Variants in STPG2 observed in about 807,000 individuals in gnomAD.
The protein encoded by STPG2 is sperm tail PG-rich repeat containing 2, also known as sperm-tail PG-rich repeat-containing protein 2.
STPG2 carries 56 observed loss-of-function variants against 54.2 expected under a neutral mutation model. The observed-to-expected ratio is 1.03, with a 90% CI of 0.83 to 1.29. The LOEUF (loss-of-function observed/expected upper bound fraction) is 1.29, where lower values mean the gene tolerates loss of function less well. STPG2 is among the 50% of genes most tolerant of loss of function. STPG2 has a pLI of 0.00. For synonymous variants in STPG2, 200 were observed against 181.8 expected (o/e 1.10, Z -0.81); for missense variants, 596 against 544.9 (o/e 1.09, Z -0.93).
chr4:97,598,555 TAA>T (rs35374576), intron 10 of STPG2, among the ~76,000 whole-genome samples: 3 of 137,814 alleles, frequency 2.2e-5, no homozygotes, highest in Non-Finnish European at 1.6e-5. Flanking sequence ...ATGGTACTGG[TAA>T]AAAAAAAAAA....
At chr4:97,850,790 C>CA (rs945462430) in intron 8 of STPG2, among the ~76,000 whole-genome samples, 5 of 151,908 alleles carry the variant, frequency 3.3e-5, no homozygotes, top group Non-Finnish European at 7.4e-5. Flanking sequence ...AAGGGAACCC[C>CA]AAAAAAGTAG....
At chr4:97,912,969 G>A (rs184096996) in intron 8 of STPG2, among the ~76,000 whole-genome samples, 1 of 152,178 alleles carries the variant, frequency 6.6e-6, no homozygotes, top group African/African-American at 2.4e-5. Flanking sequence ...TTATGATAAA[G>A]CTTAGAAGGA....
intron 8 of STPG2, among the ~76,000 whole-genome samples, chr4:97,860,708 CCGTAT>C (rs1729500294): frequency 6.6e-6 from 1 of 151,966 alleles, no homozygotes; most frequent in Non-Finnish European, 1.5e-5. Context: ...AGATACATGA[CCGTAT>C]CATCAGCAAA....
intron 8 of STPG2, among the ~76,000 whole-genome samples, chr4:97,874,497 T>A (rs1730105212): frequency 6.6e-6 from 1 of 151,848 alleles, no homozygotes; most frequent in Non-Finnish European, 1.5e-5. Flanking sequence ...AGTTTCCTTA[T>A]GTTCCTTTGT....
Position 97,915,782 on chromosome 4 carries a change from G to A in STPG2, c.1044+28115C>T, listed in dbSNP as rs186964991. Among the ~76,000 whole-genome samples the A allele has an allele frequency of 4.2e-3, 643 of 152,288 alleles. 3 individuals carry two copies. Among genetic ancestry groups the A allele is most frequent in the South Asian group, 0.024 (117 of 4,818 alleles). ...AAATCATGGTCATAATGAAATGCTA[G>A]CTCAAGGAGTCTGAACTCCACCATC... On this transcript the variant is annotated intron_variant, in intron 8 of 10. Transcript: ENST00000295268.
At chr4:97,536,121 G>T (rs1356019822) in intron 4 of STPG2, among the ~76,000 whole-genome samples, 1 of 152,160 alleles carries the variant, frequency 6.6e-6, no homozygotes, top group Non-Finnish European at 1.5e-5. Context: ...GATTATAGGT[G>T]CATGCCACCA....
At position 97,888,857 on chromosome 4, in the gene STPG2, G is replaced by T. The variant is rs188533817; in HGVS notation, c.1045-47925C>A. Among the ~76,000 whole-genome samples, 4 of 152,234 alleles carry T rather than the reference G, an allele frequency of 2.6e-5. No individual in the cohort carries two copies. In the East Asian group the frequency reaches 7.7e-4, roughly 29 times the overall value. On this transcript the variant is annotated intron_variant, in intron 8 of 10. Coordinates refer to ENST00000295268, the MANE Select transcript of STPG2 (RefSeq NM_174952.3). ...CCTGGTAGGAGGTGACTGGATCATT[G>T]GGACACATTTCCCATTTTGGTACTA...
intron 8 of STPG2, among the ~76,000 whole-genome samples, chr4:97,941,947 T>G (rs77101284): frequency 9.4e-4 from 143 of 151,946 alleles, no homozygotes; most frequent in African/African-American, 3.2e-3. Flanking sequence ...AAATGTTTCA[T>G]GTCAGAAAAG....
chr4:97,841,973 G>T (rs911811090), intron 8 of STPG2, among the ~76,000 whole-genome samples: 1 of 151,706 alleles, frequency 6.6e-6, no homozygotes, highest in Non-Finnish European at 1.5e-5. Context: ...GACCAATCAG[G>T]GTTTGAGCTA....
At chr4:98,015,230 T>C (rs1735901826) in intron 5 of STPG2, among the ~76,000 whole-genome samples, 1 of 152,020 alleles carries the variant, frequency 6.6e-6, no homozygotes, top group African/African-American at 2.4e-5. Flanking sequence ...ACTAAAGAGC[T>C]TCTGCACAGA....
intron 7 of STPG2, among the ~76,000 whole-genome samples, chr4:97,945,322 A>C (rs892721100): frequency 1.3e-5 from 2 of 152,114 alleles, no homozygotes; most frequent in Non-Finnish European, 2.9e-5. Context: ...TTGGTTTTTC[A>C]TTCCTGAGCT....
chr4:97,787,400 C>A (rs1236600990), intron 9 of STPG2, among the ~76,000 whole-genome samples: 1 of 151,914 alleles, frequency 6.6e-6, no homozygotes, highest in Non-Finnish European at 1.5e-5. Flanking sequence ...TTTTTATTTT[C>A]TTTTACTCCA....
chr4:97,535,388 T>C (rs1731505397), intron 4 of STPG2, among the ~76,000 whole-genome samples: 1 of 152,206 alleles, frequency 6.6e-6, no homozygotes, highest in Admixed American at 6.5e-5. Context: ...TCCACAATCA[T>C]TATAAAGAAC....
At chr4:98,036,094 TA>T (rs1736770799) in intron 5 of STPG2, among the ~76,000 whole-genome samples, 1 of 151,468 alleles carries the variant, frequency 6.6e-6, no homozygotes. Context: ...TAAAGTATAA[TA>T]AAAATAAATA....
At chr4:97,946,396 T>C (rs1733223455) in intron 7 of STPG2, among the ~76,000 whole-genome samples, 1 of 152,182 alleles carries the variant, frequency 6.6e-6, no homozygotes, top group Non-Finnish European at 1.5e-5. Context: ...CTCTGTAGTT[T>C]AATTAGGTCT....
At chr4:97,649,289 T>A (rs1314336006) in intron 10 of STPG2, among the ~76,000 whole-genome samples, 2 of 152,134 alleles carry the variant, frequency 1.3e-5, no homozygotes, top group Non-Finnish European at 2.9e-5. Flanking sequence ...CAAGAAAAAG[T>A]TATTTTGTTT....
At chr4:97,924,105 C>T (rs1015181327) in intron 8 of STPG2, among the ~76,000 whole-genome samples, 16 of 152,288 alleles carry the variant, frequency 1.1e-4, no homozygotes, top group Admixed American at 5.2e-4. Context: ...TAACACTCAC[C>T]GCGAAGGTCT....
At chr4:97,501,866 G>A (rs1730732576) in intron 4 of STPG2, among the ~76,000 whole-genome samples, 1 of 151,866 alleles carries the variant, frequency 6.6e-6, no homozygotes, top group South Asian at 2.1e-4. Flanking sequence ...ACAGAGATGA[G>A]ATGAAAGAGA....
chr4:98,136,653 A>C (rs947341463), intron 1 of STPG2, among the ~76,000 whole-genome samples: 1 of 151,732 alleles, frequency 6.6e-6, no homozygotes, highest in African/African-American at 2.4e-5. Flanking sequence ...AAATAGTCTC[A>C]ATTTATTGAG....
Sources: gnomAD v4.1 joint callset for allele counts (sites outside exome capture counted in the v4.1 genomes callset) on GRCh38, gnomAD v4.1.1 for gene constraint, MANE v1.5 for transcripts, NCBI Gene and HGNC (gene_info 2026-07-23, HGNC 2026-07-21) for gene names.